Variants in OR2L13 observed in about 807,000 individuals in gnomAD.
OR2L13 encodes the protein olfactory receptor family 2 subfamily L member 13, also known as olfactory receptor 2L13.
OR2L13 carries 14 observed loss-of-function variants against 15.3 expected under a neutral mutation model. The ratio of observed to expected loss-of-function variants is 0.91; its 90% CI spans 0.60 to 1.43. The LOEUF is 1.43. Among genes scored for constraint, OR2L13 ranks in the 40% most tolerant of loss-of-function variants. OR2L13 has a pLI of 0.00. For synonymous variants in OR2L13, 152 were observed against 142.9 expected (o/e 1.06, Z -0.45); for missense variants, 367 against 387.9 (o/e 0.95, Z 0.45).
At chr1:248,086,391 T>C in the OR2L13 span, among the ~76,000 whole-genome samples, 1 of 152,182 alleles carries the variant, frequency 6.6e-6, no homozygotes, top group Non-Finnish European at 1.5e-5. Context: ...TTCTTTAACA[T>C]TCAAATGTAA....
chr1:247,949,488 A>C, the OR2L13 span: 16 of 1,612,692 alleles, frequency 9.9e-6, no homozygotes, highest in Non-Finnish European at 1.4e-5. Context: ...GTTTCCCTTC[A>C]TTGGTATTTC....
the OR2L13 span, among the ~76,000 whole-genome samples, chr1:248,044,409 G>C: frequency 1.3e-4 from 20 of 152,262 alleles, no homozygotes; most frequent in East Asian, 3.5e-3. Flanking sequence ...CTCAGTGCAG[G>C]ATGCAGCGTC....
At chr1:248,083,464 A>G in the OR2L13 span, 1 of 611,772 alleles carries the variant, frequency 1.6e-6, no homozygotes, top group Non-Finnish European at 2.9e-6. Flanking sequence ...AAGCACATAA[A>G]TGCTCAAAAA....
chr1:248,052,492 G>GC, the OR2L13 span, among the ~76,000 whole-genome samples: 2 of 152,130 alleles, frequency 1.3e-5, no homozygotes, highest in Non-Finnish European at 2.9e-5. Context: ...ACTTTGGGAG[G>GC]CCGAGCCGGG....
the OR2L13 span, among the ~76,000 whole-genome samples, chr1:248,052,082 G>A: frequency 6.6e-6 from 1 of 152,174 alleles, no homozygotes; most frequent in Non-Finnish European, 1.5e-5. Flanking sequence ...TCCACTGCAA[G>A]TTGAGAAGCA....
At chr1:248,038,947 T>C in the OR2L13 span, 2 of 1,614,146 alleles carry the variant, frequency 1.2e-6, no homozygotes, top group Non-Finnish European at 1.7e-6. Context: ...GTCTACCGCA[T>C]GCACTCTGCA....
chr1:247,938,023 G>A, the OR2L13 span, among the ~76,000 whole-genome samples: 1 of 151,998 alleles, frequency 6.6e-6, no homozygotes, highest in African/African-American at 2.4e-5. Context: ...AAAAAGAACA[G>A]TGTGGCAATA....
chr1:248,060,178 G>C, the OR2L13 span, among the ~76,000 whole-genome samples: 1 of 151,980 alleles, frequency 6.6e-6, no homozygotes, highest in Admixed American at 6.6e-5. Flanking sequence ...ATCTGATTTT[G>C]ATTATATCTG....
chr1:248,016,438 A>G, the OR2L13 span, among the ~76,000 whole-genome samples: 2 of 152,194 alleles, frequency 1.3e-5, no homozygotes, highest in African/African-American at 4.8e-5. Flanking sequence ...TTGCCTGGTC[A>G]AGGAAAGTAC....
At chr1:248,083,312 G>T in the OR2L13 span, among the ~76,000 whole-genome samples, 1 of 151,984 alleles carries the variant, frequency 6.6e-6, no homozygotes, top group Non-Finnish European at 1.5e-5. Flanking sequence ...ATATTTCCAC[G>T]CTATGTGAAA....
chr1:248,093,877 A>T (rs1664656797), upstream of OR2L13, among the ~76,000 whole-genome samples: 1 of 152,172 alleles, frequency 6.6e-6, no homozygotes, highest in Non-Finnish European at 1.5e-5. Context: ...AAATTAAAAA[A>T]TAATAAATAT....
chr1:248,013,798 C>T, the OR2L13 span: 122 of 152,214 alleles, frequency 8.0e-4, no homozygotes, highest in African/African-American at 2.8e-3. Context: ...GAGACTCTGG[C>T]AAGCGCTTAA....
chr1:247,968,685 T>C, the OR2L13 span, among the ~76,000 whole-genome samples: 2 of 152,176 alleles, frequency 1.3e-5, no homozygotes, highest in African/African-American at 4.8e-5. Context: ...CATCCTTTTT[T>C]ATGGCTGCAT....
At chr1:247,937,459 C>T in the OR2L13 span, 4 of 160,010 alleles carry the variant, frequency 2.5e-5, no homozygotes, top group African/African-American at 4.8e-5. Context: ...GTCAGCCCTC[C>T]TCCCCTCCCA....
exon 3 of OR2L13, chr1:248,101,066 A>G (rs968543667): frequency 9.2e-5 from 14 of 152,188 alleles, no homozygotes; most frequent in African/African-American, 3.1e-4. Flanking sequence ...TGCTGATTTC[A>G]TAAAGATACT....
the OR2L13 span, among the ~76,000 whole-genome samples, chr1:247,994,995 G>C: frequency 3.9e-5 from 6 of 151,996 alleles, no homozygotes; most frequent in African/African-American, 1.4e-4. Context: ...CTCTCCATTG[G>C]CTAATTCCTT....
the OR2L13 span, among the ~76,000 whole-genome samples, chr1:247,972,013 A>G: frequency 6.6e-6 from 1 of 152,206 alleles, no homozygotes; most frequent in South Asian, 2.1e-4. Context: ...CTGCTCCTGA[A>G]TGAATACTGG....
the OR2L13 span, among the ~76,000 whole-genome samples, chr1:248,078,485 T>TACAC: frequency 6.8e-6 from 1 of 147,674 alleles, no homozygotes; most frequent in African/African-American, 2.6e-5. Context: ...CACACACACA[T>TACAC]ACACACACAC....
chr1:248,099,659 G>A, exon 3 of OR2L13: 1 of 1,614,130 alleles, frequency 6.2e-7, no homozygotes, highest in Non-Finnish European at 8.5e-7. Context: ...TCCTTCCTGG[G>A]ATGTGGTGTG....
Sources: gnomAD v4.1 joint callset for allele counts (sites outside exome capture counted in the v4.1 genomes callset) on GRCh38, gnomAD v4.1.1 for gene constraint, MANE v1.5 for transcripts, NCBI Gene and HGNC (gene_info 2026-07-23, HGNC 2026-07-21) for gene names.